SLC35D4: variants seen among roughly 807,000 people sequenced by gnomAD.
The protein encoded by SLC35D4 is UDP-N-acetylglucosamine transporter SLC35D4.
At chr18:23,284,772 CCTGG>C in the SLC35D4 span, among the ~76,000 whole-genome samples, 2 of 152,226 alleles carry the variant, frequency 1.3e-5, no homozygotes, top group Non-Finnish European at 2.9e-5. Context: ...CAATCATACC[CCTGG>C]CTGGTGCCAC....
the SLC35D4 span, among the ~76,000 whole-genome samples, chr18:23,274,941 TTG>T: frequency 1.3e-5 from 2 of 150,548 alleles, no homozygotes; most frequent in Admixed American, 1.3e-4. Context: ...TTGTGTGTGT[TTG>T]TGAGTGTATA....
At chr18:23,275,642 CTGTGCTGTGCTGTGCTTTG>C in the SLC35D4 span, among the ~76,000 whole-genome samples, 1 of 137,922 alleles carries the variant, frequency 7.3e-6, no homozygotes, top group Non-Finnish European at 1.6e-5. Flanking sequence ...CTGTGCTGTG[CTGTGCTGTGCTGTGCTTTG>C]TTTGGGGACT....
the SLC35D4 span, among the ~76,000 whole-genome samples, chr18:23,416,615 G>C: frequency 3.3e-5 from 5 of 152,314 alleles, no homozygotes; most frequent in East Asian, 7.7e-4. Flanking sequence ...CATGGGAACT[G>C]GAAATCCTGA....
chr18:23,372,084 C>T, the SLC35D4 span, among the ~76,000 whole-genome samples: 8 of 148,186 alleles, frequency 5.4e-5, no homozygotes, highest in South Asian at 6.6e-4. Context: ...TACAGGCGCC[C>T]GCCACTACGC....
At chr18:23,370,194 G>GC in the SLC35D4 span, 45 of 1,389,090 alleles carry the variant, frequency 3.2e-5, no homozygotes, top group Non-Finnish European at 4.4e-5. Context: ...CCATCTCAAG[G>GC]AAAAAAAAAA....
chr18:23,264,108 G>A, the SLC35D4 span, among the ~76,000 whole-genome samples: 1 of 152,206 alleles, frequency 6.6e-6, no homozygotes, highest in Middle Eastern at 3.2e-3. Flanking sequence ...CTGCAACTCT[G>A]AATCAGCTTT....
the SLC35D4 span, among the ~76,000 whole-genome samples, chr18:23,255,371 A>C: frequency 9.9e-5 from 15 of 152,124 alleles, no homozygotes; most frequent in African/African-American, 3.6e-4. Flanking sequence ...AAAAAGCAGA[A>C]AGGGCACTAA....
the SLC35D4 span, among the ~76,000 whole-genome samples, chr18:23,292,334 C>T: frequency 1.8e-4 from 27 of 152,306 alleles, no homozygotes; most frequent in Admixed American, 6.5e-4. Flanking sequence ...TCTGGAAACA[C>T]GCAGAGTGAT....
chr18:23,364,916 A>G, the SLC35D4 span, among the ~76,000 whole-genome samples: 623 of 3,042 alleles, frequency 0.2, 77 homozygotes, highest in Non-Finnish European at 0.46. Context: ...AAAAAAAAAA[A>G]AAAAAAAAAA....
At chr18:23,418,949 A>G in the SLC35D4 span, among the ~76,000 whole-genome samples, 3 of 151,754 alleles carry the variant, frequency 2.0e-5, no homozygotes, top group African/African-American at 7.3e-5. Flanking sequence ...CGGAGCTTGC[A>G]GTGAGCTGAG....
the SLC35D4 span, among the ~76,000 whole-genome samples, chr18:23,310,429 G>A: frequency 3.9e-5 from 6 of 152,178 alleles, no homozygotes; most frequent in Non-Finnish European, 7.4e-5. Flanking sequence ...GAAGTGCCTC[G>A]AACCCCCCAG....
the SLC35D4 span, among the ~76,000 whole-genome samples, chr18:23,436,933 A>G: frequency 2.6e-5 from 4 of 152,346 alleles, no homozygotes; most frequent in East Asian, 5.8e-4. Context: ...AGAGAGGAAG[A>G]GAGGAGAAAG....
the SLC35D4 span, among the ~76,000 whole-genome samples, chr18:23,261,723 G>A: frequency 6.6e-6 from 1 of 152,302 alleles, no homozygotes; most frequent in South Asian, 2.1e-4. Context: ...TAAATTACAT[G>A]AGATAGTCAA....
chr18:23,260,639 T>C, the SLC35D4 span, among the ~76,000 whole-genome samples: 6 of 151,576 alleles, frequency 4.0e-5, no homozygotes, highest in Admixed American at 3.3e-4. Flanking sequence ...GAGAATGAAG[T>C]GCATTTGAGC....
chr18:23,368,237 G>A, the SLC35D4 span, among the ~76,000 whole-genome samples: 61 of 152,270 alleles, frequency 4.0e-4, no homozygotes, highest in African/African-American at 1.5e-3. Context: ...GCTTCATCCT[G>A]CAGCCCAAGG....
At chr18:23,388,579 G>A in the SLC35D4 span, among the ~76,000 whole-genome samples, 3 of 151,732 alleles carry the variant, frequency 2.0e-5, no homozygotes, top group Admixed American at 6.6e-5. Flanking sequence ...ACCTCCAATT[G>A]TCCAAAGTTC....
the SLC35D4 span, among the ~76,000 whole-genome samples, chr18:23,305,343 G>A: frequency 9.9e-5 from 15 of 152,174 alleles, no homozygotes; most frequent in South Asian, 1.2e-3. Context: ...ATGAGCTTCC[G>A]CCTGTACATT....
the SLC35D4 span, among the ~76,000 whole-genome samples, chr18:23,395,053 A>C: frequency 6.6e-6 from 1 of 151,878 alleles, no homozygotes; most frequent in Non-Finnish European, 1.5e-5. Flanking sequence ...GCAAGATGAT[A>C]AGAAAAATCC....
the SLC35D4 span, among the ~76,000 whole-genome samples, chr18:23,340,159 C>A: frequency 1.3e-5 from 2 of 152,004 alleles, no homozygotes; most frequent in Non-Finnish European, 2.9e-5. Flanking sequence ...GGCAACATAA[C>A]AAGATCTCAT....
Sources: allele counts gnomAD v4.1 joint callset (sites outside exome capture counted in the v4.1 genomes callset), GRCh38; gene constraint gnomAD v4.1.1; transcripts MANE v1.5; gene names NCBI Gene and HGNC (gene_info 2026-07-23, HGNC 2026-07-21).